The following FGF12 variants were observed in gnomAD, a reference collection of about 807,000 sequenced individuals.
The protein encoded by FGF12 is fibroblast growth factor 12B.
In FGF12, 14 loss-of-function variants were observed where a neutral mutation model predicts 23.6. The ratio of observed to expected loss-of-function variants is 0.59; its 90% CI spans 0.39 to 0.93. The LOEUF (loss-of-function observed/expected upper bound fraction) is 0.93, where lower values mean the gene tolerates loss of function less well. Among genes scored for constraint, FGF12 ranks in the 40% least tolerant of loss-of-function variants. The pLI is 0.00. For synonymous variants in FGF12, 62 were observed against 77.3 expected (o/e 0.80, Z 1.04); for missense variants, 175 against 217.8 (o/e 0.80, Z 1.24).
At chr3:192,603,531 G>A (rs529924268) in intron 2 of FGF12, among the ~76,000 whole-genome samples, 59 of 152,150 alleles carry the variant, frequency 3.9e-4, no homozygotes, top group South Asian at 1.2e-3. Context: ...AGTGTTGGCC[G>A]GCTGAGAAAT....
At chr3:192,417,059 G>C (rs1367056130) in intron 2 of FGF12, among the ~76,000 whole-genome samples, 2 of 152,078 alleles carry the variant, frequency 1.3e-5, no homozygotes, top group African/African-American at 4.8e-5. Context: ...GCCTACTCTA[G>C]GTAATGTATA....
At chr3:192,489,609 T>C (rs1723739596) in intron 2 of FGF12, among the ~76,000 whole-genome samples, 1 of 152,050 alleles carries the variant, frequency 6.6e-6, no homozygotes, top group East Asian at 1.9e-4. Flanking sequence ...CAGGGATGTT[T>C]GGGAAACTTT....
At chr3:192,400,851 G>T (rs1490651817) in intron 2 of FGF12, among the ~76,000 whole-genome samples, 3 of 152,098 alleles carry the variant, frequency 2.0e-5, no homozygotes, top group Non-Finnish European at 2.9e-5. Context: ...ATGAAGTTCT[G>T]CTCATTCTAC....
At chr3:192,212,794 G>A (rs934097138) in intron 4 of FGF12, among the ~76,000 whole-genome samples, 3 of 147,782 alleles carry the variant, frequency 2.0e-5, no homozygotes, top group Non-Finnish European at 3.0e-5. Flanking sequence ...AATGGGGGGG[G>A]GGTTAAAAAA....
At chr3:192,345,033 G>GC (rs1717886029) in intron 3 of FGF12, among the ~76,000 whole-genome samples, 2 of 152,092 alleles carry the variant, frequency 1.3e-5, no homozygotes, top group Admixed American at 6.6e-5. Context: ...AGAAATCTTT[G>GC]CATGTTTTGA....
chr3:192,401,102 T>G (rs1263029867), intron 2 of FGF12, among the ~76,000 whole-genome samples: 1 of 152,252 alleles, frequency 6.6e-6, no homozygotes, highest in African/African-American at 2.4e-5. Context: ...AGCCCCACTG[T>G]GTTAACATAA....
chr3:192,567,786 TTTCTTTC>T lies in FGF12; in HGVS notation c.13+159388_13+159394del, dbSNP rs879359541. Among the ~76,000 whole-genome samples, 792 of 135,424 alleles carry T rather than the reference TTTCTTTC, an allele frequency of 5.8e-3. 5 individuals carry two copies. The highest frequency in any genetic ancestry group is 0.025 in the Middle Eastern group (6 of 242). 88.8% of individuals were successfully genotyped at this position (135,424 alleles called of 152,430 possible). On this transcript the variant is annotated intron_variant, in intron 2 of 5. Transcript: ENST00000445105. ...CTTTCTTTCTTTCTTTCTTTCTTTC[TTTCTTTC>T]TTTCTTTCTCTTTCTTTCTTTCTCT...
Position 192,660,113 on chromosome 3 carries a change from A to T in FGF12, c.13+67068T>A, listed in dbSNP as rs541316400. ...TAGCAAAGACTTGGAACCAACCCAA[A>T]TGTCCAACAATGATAGACTGGATTA... On this transcript the variant is annotated intron_variant, in intron 2 of 5. Coordinates refer to ENST00000445105, the MANE Select transcript of FGF12 (RefSeq NM_004113.6). 1.1e-4 allele frequency among the ~76,000 whole-genome samples: 16 copies of T among 151,998 alleles called. No individual in the cohort carries two copies. In the East Asian group the frequency reaches 3.1e-3, roughly 30 times the overall value.
chr3:192,312,995 T>C (rs1446268934), intron 4 of FGF12, among the ~76,000 whole-genome samples: 1 of 152,204 alleles, frequency 6.6e-6, no homozygotes, highest in African/African-American at 2.4e-5. Context: ...TTTCCCTGTT[T>C]TGATGCATAA....
rs965471022 is a variant in FGF12 at position 192,300,469 on chromosome 3, T to G, written c.228+34892A>C. 4.4e-4 allele frequency among the ~76,000 whole-genome samples: 67 copies of G among 152,054 alleles called. 1 individual carries two copies. Among genetic ancestry groups the G allele is most frequent in the African/African-American group, 1.4e-3 (60 of 41,426 alleles). ...TTACAATCCTGGACTACCAATCTAT[T>G]ACCTTCCAAATGCCTGGGGCCAGGT... On this transcript the variant is annotated intron_variant, in intron 4 of 5. Coordinates refer to ENST00000445105, the MANE Select transcript of FGF12 (RefSeq NM_004113.6).
At chr3:192,559,414 A>G (rs1711919983) in intron 2 of FGF12, among the ~76,000 whole-genome samples, 1 of 151,948 alleles carries the variant, frequency 6.6e-6, no homozygotes, top group African/African-American at 2.4e-5. Flanking sequence ...AGAGGTAGGG[A>G]TAGGGAGGGG....
intron 2 of FGF12, among the ~76,000 whole-genome samples, chr3:192,690,492 T>C (rs770090095): frequency 6.7e-6 from 1 of 148,876 alleles, no homozygotes; most frequent in African/African-American, 2.5e-5. Context: ...CAGGTATAAC[T>C]ATAAAATGTT....
chr3:192,336,175 T>A lies in FGF12; in HGVS notation c.125-711A>T, dbSNP rs1325023002. Among the ~76,000 whole-genome samples, 1 of 149,472 alleles carries A rather than the reference T, an allele frequency of 6.7e-6. No homozygotes were observed. Among genetic ancestry groups the A allele is most frequent in the Admixed American group, 6.7e-5 (1 of 15,018 alleles). ...TATACATACTATATATATACAAATA[T>A]ATATACACATATATATATGCACACA... On this transcript the variant is annotated intron_variant, in intron 3 of 5. Transcript: ENST00000445105. The surrounding 1 kb of genome is among the most constrained non-coding windows in gnomAD (Gnocchi z 4.3).
chr3:192,485,773 GTAT>G (rs1201044344), intron 2 of FGF12, among the ~76,000 whole-genome samples: 1 of 151,994 alleles, frequency 6.6e-6, no homozygotes, highest in Non-Finnish European at 1.5e-5. Flanking sequence ...CTCTGTATAA[GTAT>G]TATTGAAATA....
chr3:192,400,680 T>A (rs922545221), intron 2 of FGF12, among the ~76,000 whole-genome samples: 2 of 152,154 alleles, frequency 1.3e-5, no homozygotes. Context: ...ACCTTCACAT[T>A]CTATAGTGTT....
At chr3:192,199,533 CCTT>C (rs1344921242) in intron 4 of FGF12, among the ~76,000 whole-genome samples, 1 of 152,166 alleles carries the variant, frequency 6.6e-6, no homozygotes, top group Non-Finnish European at 1.5e-5. Flanking sequence ...GTATATGTGG[CCTT>C]CTTTCACAAG....
At chr3:192,249,349 T>A (rs1014517802) in intron 4 of FGF12, among the ~76,000 whole-genome samples, 2 of 152,150 alleles carry the variant, frequency 1.3e-5, no homozygotes, top group African/African-American at 4.8e-5. Flanking sequence ...GATAAACGTG[T>A]GTAAAAGATT....
At chr3:192,228,570 T>C (rs1718857080) in intron 4 of FGF12, among the ~76,000 whole-genome samples, 1 of 152,026 alleles carries the variant, frequency 6.6e-6, no homozygotes, top group Non-Finnish European at 1.5e-5. Flanking sequence ...TAATGGAAAA[T>C]TTATCACAAT....
At position 192,665,703 on chromosome 3, in the gene FGF12, C is replaced by T. The variant is rs147253723; in HGVS notation, c.13+61478G>A. ...TGGGTTGATAGGTACAGCAAACAAC[C>T]ATGGCACATGTATACAAACCACATG... is the stretch of plus-strand genomic sequence containing the variant. On this transcript the variant is annotated intron_variant, in intron 2 of 5. Transcript: ENST00000445105. Among the ~76,000 whole-genome samples, 44 of 152,160 alleles carry T rather than the reference C, an allele frequency of 2.9e-4. No individual in the cohort carries two copies. In the East Asian group the frequency reaches 8.3e-3, roughly 29 times the overall value.
Sources: allele counts gnomAD v4.1 joint callset (sites outside exome capture counted in the v4.1 genomes callset), GRCh38; gene constraint gnomAD v4.1.1; non-coding constraint Gnocchi (gnomAD v3.1); transcripts MANE v1.5; gene names NCBI Gene and HGNC (gene_info 2026-07-23, HGNC 2026-07-21).